The following TEX36 variants were observed in gnomAD, a reference collection of about 807,000 sequenced individuals.
The protein encoded by TEX36 is testis expressed 36, also known as testis-expressed protein 36.
In TEX36, 12 loss-of-function variants were observed where a neutral mutation model predicts 13.6. That is an observed-to-expected ratio of 0.88 (90% confidence interval 0.56 to 1.43). The LOEUF is 1.43. Ranked by LOEUF, TEX36 falls within the 40% of genes most tolerant of loss-of-function variation. The pLI is 0.00. For synonymous variants in TEX36, 93 were observed against 83.0 expected (o/e 1.12, Z -0.65); for missense variants, 224 against 228.3 (o/e 0.98, Z 0.12).
chr10:125,667,356 A>C (rs564269674), intron 1 of TEX36: 1 of 647,916 alleles, frequency 1.5e-6, no homozygotes, highest in African/African-American at 1.8e-5. Context: ...CAGTGCTTCA[A>C]GTCATGGTCC....
downstream of TEX36, among the ~76,000 whole-genome samples, chr10:125,652,132 G>C (rs1345106224): frequency 6.6e-6 from 1 of 151,948 alleles, no homozygotes; most frequent in East Asian, 1.9e-4. Context: ...CACAGAATTG[G>C]AAAAAAACTA....
At chr10:125,679,878 T>G (rs1847368749) in intron 1 of TEX36, among the ~76,000 whole-genome samples, 1 of 152,188 alleles carries the variant, frequency 6.6e-6, no homozygotes, top group Admixed American at 6.5e-5. Flanking sequence ...TTGGGTTGCT[T>G]TCTTCTCTGC....
At chr10:125,590,629 T>C (rs577427481) in intron 3 of TEX36, among the ~76,000 whole-genome samples, 3 of 152,182 alleles carry the variant, frequency 2.0e-5, no homozygotes, top group Admixed American at 6.5e-5. Context: ...TGGAAGTCCA[T>C]GTCAATAATG....
At chr10:125,648,262 C>T (rs901460898) in intron 3 of TEX36, among the ~76,000 whole-genome samples, 5 of 152,170 alleles carry the variant, frequency 3.3e-5, no homozygotes, top group South Asian at 2.1e-4. Context: ...CAGTAGGGGC[C>T]GACCAACATC....
At chr10:125,664,154 T>G (rs1847089908) in intron 1 of TEX36, among the ~76,000 whole-genome samples, 1 of 152,160 alleles carries the variant, frequency 6.6e-6, no homozygotes, top group Non-Finnish European at 1.5e-5. Context: ...ATTTACATTG[T>G]TGCAAATGAC....
rs552876638 is a variant in TEX36, at chr10:125,627,263, T to G, written c.265-5618A>C. ...CAGACACACTACTTCAGAACATATC[T>G]GGATAGAAGAACAATGAGCATTAGA... On this transcript the variant is annotated intron_variant, in intron 3 of 3. Transcript: ENST00000526819. 4.6e-5 allele frequency among the ~76,000 whole-genome samples: 7 copies of G among 152,344 alleles called. No homozygotes were observed. The South Asian group carries it at 1.4e-3, about 32-fold the overall frequency.
At chr10:125,667,497 G>T in intron 1 of TEX36, 1 of 727,362 alleles carries the variant, frequency 1.4e-6, no homozygotes, top group Non-Finnish European at 2.6e-6. Context: ...CCAATCTTCA[G>T]AACACAATGC....
chr10:125,592,593 A>T (rs914872784), intron 3 of TEX36, among the ~76,000 whole-genome samples: 2 of 152,078 alleles, frequency 1.3e-5, no homozygotes, highest in Admixed American at 6.5e-5. Context: ...CTGAATAAAA[A>T]ATCCTGTCAT....
chr10:125,640,803 T>C (rs951677127), intron 3 of TEX36, among the ~76,000 whole-genome samples: 1 of 152,140 alleles, frequency 6.6e-6, no homozygotes, highest in African/African-American at 2.4e-5. Flanking sequence ...CCAAAGACTG[T>C]GGGTGGCAGC....
At chr10:125,576,974 C>T in intron 3 of TEX36, 1 of 1,461,890 alleles carries the variant, frequency 6.8e-7, no homozygotes, top group East Asian at 2.5e-5. Context: ...TCTCCCTGCC[C>T]AAGCTTTAAA....
At chr10:125,667,886 C>T (rs3740186) in intron 1 of TEX36, 103,369 of 1,504,930 alleles carry the variant, frequency 0.069, 8,230 homozygotes, top group East Asian at 0.35. Flanking sequence ...TGCCACGATG[C>T]GGTGAGCGAT....
At chr10:125,621,729 T>C (rs904276514) in intron 3 of TEX36, 1 of 449,772 alleles carries the variant, frequency 2.2e-6, no homozygotes, top group African/African-American at 2.0e-5. Flanking sequence ...GCCTTCCATC[T>C]GTGGCCAAAG....
intron 1 of TEX36, among the ~76,000 whole-genome samples, chr10:125,676,524 T>G (rs940915360): frequency 6.6e-6 from 1 of 152,218 alleles, no homozygotes; most frequent in African/African-American, 2.4e-5. Context: ...GTGAGTTTCT[T>G]GTAAGCAGCA....
At chr10:125,595,455 AATT>A (rs1468687851) in intron 3 of TEX36, among the ~76,000 whole-genome samples, 4 of 152,190 alleles carry the variant, frequency 2.6e-5, no homozygotes, top group Admixed American at 6.5e-5. Context: ...ATTTTTGCCC[AATT>A]AGTTTTTCTC....
intron 3 of TEX36, among the ~76,000 whole-genome samples, chr10:125,639,783 C>G (rs573324932): frequency 6.6e-6 from 1 of 152,190 alleles, no homozygotes; most frequent in Non-Finnish European, 1.5e-5. Flanking sequence ...AAATATGAGG[C>G]ATTGCTTTCA....
chr10:125,665,148 C>T (rs1847103462), intron 1 of TEX36, among the ~76,000 whole-genome samples: 1 of 152,016 alleles, frequency 6.6e-6, no homozygotes, highest in Non-Finnish European at 1.5e-5. Context: ...ATATTATTCC[C>T]CTGTCAGATG....
downstream of TEX36, among the ~76,000 whole-genome samples, chr10:125,655,360 G>A (rs1021194510): frequency 9.2e-5 from 14 of 152,048 alleles, no homozygotes; most frequent in African/African-American, 1.7e-4. Flanking sequence ...CAGGAGAATC[G>A]CTTGAACCCA....
At chr10:125,638,223 C>T (rs1279818390) in intron 3 of TEX36, among the ~76,000 whole-genome samples, 1 of 151,954 alleles carries the variant, frequency 6.6e-6, no homozygotes, top group Admixed American at 6.6e-5. Flanking sequence ...GGCCCCTCCC[C>T]GTGCTGCCCC....
chr10:125,576,708 G>C (rs1321782082), exon 4 of TEX36: 11 of 1,534,106 alleles, frequency 7.2e-6, no homozygotes, highest in Non-Finnish European at 9.6e-6. Flanking sequence ...TATTAGTCAG[G>C]ACTCTGGGGA....
Sources: gnomAD v4.1 joint callset for allele counts (sites outside exome capture counted in the v4.1 genomes callset) on GRCh38, gnomAD v4.1.1 for gene constraint, MANE v1.5 for transcripts, NCBI Gene and HGNC (gene_info 2026-07-23, HGNC 2026-07-21) for gene names.